The following ZNF469 variants were observed in gnomAD, a reference collection of about 807,000 sequenced individuals.
ZNF469 encodes the protein zinc finger protein 469.
In ZNF469, 1 loss-of-function variant was observed where a neutral mutation model predicts 1.0. That is an observed-to-expected ratio of 1.00 (90% CI 0.35 to 4.73). The LOEUF is 4.73. Among genes scored for constraint, ZNF469 ranks in the 30% most tolerant of loss-of-function variants. The probability of loss-of-function intolerance (pLI) is 0.16; values close to 1 mark genes in which losing one functional copy is unlikely to be tolerated. For missense variants in ZNF469, 6,100 were observed against 5,356.3 expected (o/e 1.14, Z -4.33); for synonymous variants, 2,703 against 2,363.4 (o/e 1.14, Z -4.17).
chr16:88,340,015 A>T, the ZNF469 span, among the ~76,000 whole-genome samples: 28 of 151,994 alleles, frequency 1.8e-4, no homozygotes, highest in Admixed American at 3.9e-4. Flanking sequence ...CTGAGCATGC[A>T]GGGGACAGGT....
chr16:88,169,701 C>A, the ZNF469 span, among the ~76,000 whole-genome samples: 3 of 152,206 alleles, frequency 2.0e-5, no homozygotes, highest in Non-Finnish European at 4.4e-5. This position sits in a 1 kb window ranked among gnomAD's most constrained non-coding sequence, Gnocchi z 6.1. Context: ...TTACATTGGC[C>A]GTCTGCCCCT....
upstream of ZNF469, among the ~76,000 whole-genome samples, chr16:88,380,475 ACACATACGTG>A (rs1268189324): frequency 1.4e-5 from 2 of 147,094 alleles, no homozygotes; most frequent in Admixed American, 6.7e-5. Flanking sequence ...ACATGCACTC[ACACATACGTG>A]CACACACACA....
At chr16:88,366,386 TCAC>T in the ZNF469 span, among the ~76,000 whole-genome samples, 2 of 144,216 alleles carry the variant, frequency 1.4e-5, no homozygotes, top group Non-Finnish European at 3.0e-5. Context: ...ATCATCACCT[TCAC>T]CACCATCATC....
At chr16:88,386,818 G>C (rs1385191051) in intron 1 of ZNF469, among the ~76,000 whole-genome samples, 1 of 152,170 alleles carries the variant, frequency 6.6e-6, no homozygotes, top group African/African-American at 2.4e-5. Context: ...GGAAGGCAGT[G>C]GGTGGTTCCG....
the ZNF469 span, among the ~76,000 whole-genome samples, chr16:88,311,790 G>T: frequency 6.6e-6 from 1 of 152,172 alleles, no homozygotes; most frequent in Non-Finnish European, 1.5e-5. Flanking sequence ...CAAGTCGTTC[G>T]CCAACAAGGA....
At chr16:88,404,433 A>G (rs138879921) in intron 1 of ZNF469, among the ~76,000 whole-genome samples, 1 of 152,302 alleles carries the variant, frequency 6.6e-6, no homozygotes, top group Non-Finnish European at 1.5e-5. Context: ...GTGTGATTCA[A>G]ACTGGAGTTG....
the ZNF469 span, among the ~76,000 whole-genome samples, chr16:88,187,527 G>T: frequency 0.012 from 1,768 of 152,330 alleles, 47 homozygotes; most frequent in African/African-American, 0.04. Context: ...TGGGAACATG[G>T]CACCAGCCGG....
chr16:88,283,964 T>TGC, the ZNF469 span, among the ~76,000 whole-genome samples: 1 of 109,356 alleles, frequency 9.1e-6, no homozygotes, highest in African/African-American at 3.7e-5. Flanking sequence ...GTGCCCAAGG[T>TGC]CTGTGGAGGC....
the ZNF469 span, among the ~76,000 whole-genome samples, chr16:88,326,275 T>G: frequency 6.6e-6 from 1 of 151,884 alleles, no homozygotes; most frequent in Non-Finnish European, 1.5e-5. Context: ...AAAATGAGAG[T>G]TTCTCTGCAC....
chr16:88,404,170 C>T (rs987600514), intron 1 of ZNF469, among the ~76,000 whole-genome samples: 5 of 134,806 alleles, frequency 3.7e-5, no homozygotes, highest in African/African-American at 1.3e-4. Context: ...AGAGACATGT[C>T]ACAGCCCCAC....
the ZNF469 span, among the ~76,000 whole-genome samples, chr16:88,341,096 T>A: frequency 6.6e-6 from 1 of 152,182 alleles, no homozygotes; most frequent in Non-Finnish European, 1.5e-5. Flanking sequence ...GAAGGTCCAG[T>A]AGCAAATCTC....
At chr16:88,276,874 G>A in the ZNF469 span, among the ~76,000 whole-genome samples, 16 of 150,838 alleles carry the variant, frequency 1.1e-4, no homozygotes, top group South Asian at 4.2e-4. Flanking sequence ...CCACGCTGAC[G>A]CTCGGTCAGT....
the ZNF469 span, among the ~76,000 whole-genome samples, chr16:88,244,186 T>G: frequency 7.7e-6 from 1 of 129,874 alleles, no homozygotes; most frequent in Non-Finnish European, 1.6e-5. Context: ...GGTGGGTAGG[T>G]GGATGGATGG....
the ZNF469 span, among the ~76,000 whole-genome samples, chr16:88,212,543 CTCTT>C: frequency 5.3e-5 from 8 of 151,966 alleles, no homozygotes; most frequent in Non-Finnish European, 1.0e-4. Flanking sequence ...TCATATTCTT[CTCTT>C]TCTTTCTTTC....
the ZNF469 span, among the ~76,000 whole-genome samples, chr16:88,283,287 A>G: frequency 6.6e-6 from 1 of 151,694 alleles, no homozygotes; most frequent in Admixed American, 6.6e-5. Flanking sequence ...TGATGTGCAC[A>G]TTTTAACTAA....
At chr16:88,293,365 C>T in the ZNF469 span, among the ~76,000 whole-genome samples, 1 of 145,380 alleles carries the variant, frequency 6.9e-6, no homozygotes, top group South Asian at 2.2e-4. Context: ...TAAATGAGTA[C>T]ATGGTGGATG....
the ZNF469 span, among the ~76,000 whole-genome samples, chr16:88,347,544 C>G: frequency 6.6e-6 from 1 of 152,212 alleles, no homozygotes; most frequent in African/African-American, 2.4e-5. Flanking sequence ...CTTTGGACTT[C>G]CAGCCTCCAG....
At chr16:88,120,050 G>C in the ZNF469 span, among the ~76,000 whole-genome samples, 6 of 152,218 alleles carry the variant, frequency 3.9e-5, no homozygotes, top group Non-Finnish European at 7.3e-5. Flanking sequence ...GGGCCCCCAA[G>C]TCCGCCTGGG....
rs1905988643 is a variant in ZNF469, at chr16:88,429,643, G to A, written c.2173G>A (p.Asp725Asn). Residue 725 changes from aspartate (D) to asparagine (N), a missense_variant, in exon 3 of 3, where the codon GAC (aspartate) becomes AAC (asparagine). Transcript: ENST00000565624. ...CTTCTCCCTCAGCAGCGCCAGCCTG[G>A]ACCAGCTGGACGTGCTGCTGACCTG... ...HHFSLSSASL[D>N]QLDVLLTCRQ... The A allele has an allele frequency of 6.5e-7, 1 of 1,543,186 alleles. No homozygotes were observed. Among genetic ancestry groups the A allele is most frequent in the African/African-American group, 1.4e-5 (1 of 72,922 alleles).
Sources: allele counts gnomAD v4.1 joint callset (sites outside exome capture counted in the v4.1 genomes callset), GRCh38; gene constraint gnomAD v4.1.1; non-coding constraint Gnocchi (gnomAD v3.1); transcripts MANE v1.5; gene names NCBI Gene and HGNC (gene_info 2026-07-23, HGNC 2026-07-21).